The following CMSS1 variants were observed in gnomAD, a reference collection of about 807,000 sequenced individuals.
CMSS1 encodes the protein protein CMSS1.
A neutral mutation model predicts 43.5 loss-of-function variants in CMSS1; 33 were observed. The observed-to-expected ratio is 0.76, with a 90% confidence interval of 0.57 to 1.01. The LOEUF is 1.01. Among genes scored for constraint, CMSS1 ranks in the 50% least tolerant of loss-of-function variants. CMSS1 has a pLI of 0.00. For missense variants in CMSS1, 313 were observed against 326.4 expected, an observed-to-expected ratio of 0.96 and a Z score of 0.32; for synonymous variants, 115 against 117.2, an observed-to-expected ratio of 0.98 and a Z score of 0.12.
chr3:100,057,659 A>G (rs950970105), intron 1 of CMSS1, among the ~76,000 whole-genome samples: 1 of 152,182 alleles, frequency 6.6e-6, no homozygotes, highest in South Asian at 2.1e-4. Flanking sequence ...ATCAGGCCCC[A>G]TATGGGACAG....
At chr3:100,073,304 A>G (rs2065792641) in intron 1 of CMSS1, among the ~76,000 whole-genome samples, 1 of 152,220 alleles carries the variant, frequency 6.6e-6, no homozygotes, top group South Asian at 2.1e-4. Context: ...TTCTTGTGAT[A>G]GAGATTGCAT....
At chr3:99,943,828 C>T (rs1235522525) in intron 1 of CMSS1, among the ~76,000 whole-genome samples, 1 of 152,152 alleles carries the variant, frequency 6.6e-6, no homozygotes, top group African/African-American at 2.4e-5. Flanking sequence ...GCTCTGGAGT[C>T]GGCCTGGCCG....
At chr3:100,130,237 G>C (rs1332428513) in intron 1 of CMSS1, among the ~76,000 whole-genome samples, 2 of 152,018 alleles carry the variant, frequency 1.3e-5, no homozygotes, top group Admixed American at 6.6e-5. Flanking sequence ...AATATTACTT[G>C]GTCCTTGAAA....
At chr3:100,103,961 G>A (rs1025216502) in intron 1 of CMSS1, among the ~76,000 whole-genome samples, 7 of 152,256 alleles carry the variant, frequency 4.6e-5, no homozygotes, top group South Asian at 4.1e-4. Flanking sequence ...TTAATCAGGC[G>A]CATTAACTCA....
At chr3:100,061,814 G>T (rs1482292691) in intron 1 of CMSS1, among the ~76,000 whole-genome samples, 2 of 152,194 alleles carry the variant, frequency 1.3e-5, no homozygotes, top group East Asian at 1.9e-4. Flanking sequence ...TCAGAGGCAA[G>T]ATTTGAAGCC....
intron 1 of CMSS1, among the ~76,000 whole-genome samples, chr3:99,935,920 G>A (rs941880152): frequency 6.6e-6 from 1 of 152,124 alleles, no homozygotes; most frequent in African/African-American, 2.4e-5. Flanking sequence ...TGCAGGAAAT[G>A]GCCAAATGTA....
At chr3:100,148,724 G>A (rs951979555) in intron 2 of CMSS1, among the ~76,000 whole-genome samples, 17 of 152,058 alleles carry the variant, frequency 1.1e-4, no homozygotes, top group Non-Finnish European at 2.9e-5. Context: ...AGTAATCACT[G>A]AAGTGTTAAT....
chr3:100,024,674 G>A (rs1043685406), intron 1 of CMSS1, among the ~76,000 whole-genome samples: 1 of 152,220 alleles, frequency 6.6e-6, no homozygotes, highest in Non-Finnish European at 1.5e-5. Flanking sequence ...GGATATACTA[G>A]TGAGTGACCT....
chr3:99,858,934 A>G lies in CMSS1; in HGVS notation c.64+40891A>G, dbSNP rs147903280. Among the ~76,000 whole-genome samples the G allele has an allele frequency of 1.4e-4, 22 of 152,296 alleles. 1 individual carries two copies. Among genetic ancestry groups the G allele is most frequent in the Middle Eastern group, 6.8e-3 (2 of 294 alleles). On this transcript the variant is annotated intron_variant, in intron 1 of 9. Transcript: ENST00000421999. ...TGCTTCATCCTGATGAAGTCCCCCAATTCACTGGCTTAGTCACTGCTTTGA... is the reference window on the plus strand; with the variant it reads ...TGCTTCATCCTGATGAAGTCCCCCAGTTCACTGGCTTAGTCACTGCTTTGA...
chr3:99,920,191 A>T (rs557471027), intron 1 of CMSS1, among the ~76,000 whole-genome samples: 9 of 152,236 alleles, frequency 5.9e-5, no homozygotes, highest in Non-Finnish European at 1.0e-4. Flanking sequence ...GCAGTAACAT[A>T]TATGGATAGC....
intron 1 of CMSS1, among the ~76,000 whole-genome samples, chr3:100,096,369 A>G (rs2066208580): frequency 6.6e-6 from 1 of 152,238 alleles, no homozygotes; most frequent in South Asian, 2.1e-4. Context: ...CTAAGTGTCC[A>G]TCAACAGATG....
At chr3:100,137,285 C>T (rs187792086) in intron 1 of CMSS1, among the ~76,000 whole-genome samples, 5 of 152,262 alleles carry the variant, frequency 3.3e-5, no homozygotes, top group Admixed American at 3.3e-4. Context: ...CAGCTGATGA[C>T]CTCTAGAAAT....
intron 1 of CMSS1, among the ~76,000 whole-genome samples, chr3:100,034,915 T>A (rs2065081314): frequency 6.6e-6 from 1 of 152,174 alleles, no homozygotes. Flanking sequence ...GTAGTCCACT[T>A]TCCTATTTTA....
intron 2 of CMSS1, among the ~76,000 whole-genome samples, chr3:100,150,780 A>T (rs1268218922): frequency 1.3e-5 from 2 of 152,112 alleles, no homozygotes; most frequent in Non-Finnish European, 2.9e-5. Flanking sequence ...ACTCCTAGAG[A>T]TTGCATCACC....
chr3:99,866,538 T>C (rs552292136), intron 1 of CMSS1, among the ~76,000 whole-genome samples: 4 of 152,328 alleles, frequency 2.6e-5, no homozygotes, highest in Admixed American at 2.6e-4. Flanking sequence ...AGGACTTTTT[T>C]GGGTCCTCGA....
intron 1 of CMSS1, among the ~76,000 whole-genome samples, chr3:99,831,831 G>A (rs895379004): frequency 6.6e-6 from 1 of 152,198 alleles, no homozygotes; most frequent in Non-Finnish European, 1.5e-5. Context: ...CAACTCAGGT[G>A]GTTGGCCTAC....
Position 100,178,283 on chromosome 3 carries a change from TCCC to T in CMSS1, c.757-18_757-16del, listed in dbSNP as rs2067164536. 17 of 1,516,602 alleles carry T rather than the reference TCCC, an allele frequency of 1.1e-5. No homozygotes were observed. The highest frequency in any genetic ancestry group is 1.6e-5 in the Non-Finnish European group (17 of 1,093,092). 93.9% of individuals were successfully genotyped at this position (1,516,602 alleles called of 1,614,324 possible). On this transcript the variant is annotated intron_variant, in intron 9 of 9. Transcript: ENST00000421999. ...TTTTGGCTTGATCTTAATCTTTTTT[TCCC>T]CCCTTTTCTCTCATTTAGATAAGAA... is the stretch of plus-strand genomic sequence containing the variant.
intron 1 of CMSS1, among the ~76,000 whole-genome samples, chr3:99,931,947 C>G (rs1011804857): frequency 6.6e-6 from 1 of 152,088 alleles, no homozygotes; most frequent in Non-Finnish European, 1.5e-5. Flanking sequence ...CTCTTTGTCC[C>G]TACAAATCAT....
chr3:99,859,557 C>T (rs1944137939), intron 1 of CMSS1, among the ~76,000 whole-genome samples: 1 of 152,196 alleles, frequency 6.6e-6, no homozygotes, highest in African/African-American at 2.4e-5. Flanking sequence ...ACATCACACT[C>T]CTTTATTTAT....
Sources: allele counts gnomAD v4.1 joint callset (sites outside exome capture counted in the v4.1 genomes callset), GRCh38; gene constraint gnomAD v4.1.1; transcripts MANE v1.5; gene names NCBI Gene and HGNC (gene_info 2026-07-23, HGNC 2026-07-21).